PTPRD: variants seen among roughly 807,000 people sequenced by gnomAD.
PTPRD encodes protein tyrosine phosphatase receptor type D.
Under a neutral mutation model 214.5 loss-of-function variants are expected in PTPRD, and 34 were observed. The ratio of observed to expected loss-of-function variants is 0.16; its 90% CI spans 0.12 to 0.21. The LOEUF (loss-of-function observed/expected upper bound fraction) is 0.21, where lower values mean the gene tolerates loss of function less well. Among genes scored for constraint, PTPRD ranks in the 10% least tolerant of loss-of-function variants. The pLI, the probability that PTPRD is intolerant of heterozygous loss-of-function variation, is 1.00. For synonymous variants in PTPRD, 1,128 were observed against 845.7 expected, an observed-to-expected ratio of 1.33 and a Z score of -5.79; for missense variants, 2,545 against 2,398.7, an observed-to-expected ratio of 1.06 and a Z score of -1.27.
At chr9:8,345,407 G>A (rs10815826) in intron 39 of PTPRD, among the ~76,000 whole-genome samples, 73,473 of 151,890 alleles carry the variant, frequency 0.48, 20,770 homozygotes, top group Non-Finnish European at 0.64. Flanking sequence ...CCACCATTTA[G>A]GTCAGCAGTC....
chr9:8,775,743 G>A (rs1398190766), intron 11 of PTPRD, among the ~76,000 whole-genome samples: 1 of 151,996 alleles, frequency 6.6e-6, no homozygotes, highest in Non-Finnish European at 1.5e-5. Flanking sequence ...CAGCACTTTG[G>A]GAGGCCAAGG....
chr9:8,749,493 T>C (rs1370280989), intron 11 of PTPRD, among the ~76,000 whole-genome samples: 4 of 152,166 alleles, frequency 2.6e-5, no homozygotes, highest in African/African-American at 9.7e-5. Context: ...CAGGTGAAGT[T>C]TGGATTTTTT....
At chr9:9,927,416 C>T (rs953032587) in intron 5 of PTPRD, among the ~76,000 whole-genome samples, 21 of 152,232 alleles carry the variant, frequency 1.4e-4, no homozygotes, top group African/African-American at 4.6e-4. Flanking sequence ...GTACTATTCC[C>T]TACATCTGCA....
chr9:8,947,387 C>T (rs2099072139), intron 11 of PTPRD, among the ~76,000 whole-genome samples: 1 of 148,566 alleles, frequency 6.7e-6, no homozygotes, highest in African/African-American at 2.5e-5. Flanking sequence ...CTTCTGAACC[C>T]GGGAGGCAGA....
At chr9:9,827,126 T>G (rs988157935) in intron 5 of PTPRD, among the ~76,000 whole-genome samples, 1 of 152,056 alleles carries the variant, frequency 6.6e-6, no homozygotes, top group East Asian at 1.9e-4. Flanking sequence ...AAGCTACCAA[T>G]GACTTTCTTC....
intron 9 of PTPRD, among the ~76,000 whole-genome samples, chr9:9,293,531 T>C (rs1303143617): frequency 6.6e-6 from 1 of 151,562 alleles, no homozygotes; most frequent in Non-Finnish European, 1.5e-5. Flanking sequence ...TACTGACTAA[T>C]GCTATTAGAA....
intron 11 of PTPRD, among the ~76,000 whole-genome samples, chr9:8,827,696 T>C (rs2097204182): frequency 6.6e-6 from 1 of 152,180 alleles, no homozygotes; most frequent in African/African-American, 2.4e-5. Flanking sequence ...TCATTTATAT[T>C]TCAAAGCAGA....
At chr9:9,514,954 G>A (rs557987517) in intron 8 of PTPRD, among the ~76,000 whole-genome samples, 5 of 152,050 alleles carry the variant, frequency 3.3e-5, no homozygotes, top group Admixed American at 6.6e-5. Context: ...CTGATTTGAG[G>A]ACTTTTTTTA....
intron 3 of PTPRD, among the ~76,000 whole-genome samples, chr9:10,068,965 C>G (rs1728584222): frequency 6.6e-6 from 1 of 152,002 alleles, no homozygotes; most frequent in Non-Finnish European, 1.5e-5. Flanking sequence ...TCAGTTTATT[C>G]CCACCATATT....
At chr9:9,432,686 A>G (rs974520882) in intron 8 of PTPRD, among the ~76,000 whole-genome samples, 1 of 152,224 alleles carries the variant, frequency 6.6e-6, no homozygotes. Context: ...GATATTTAGG[A>G]TTTCACAATG....
At chr9:9,402,993 C>CAAA (rs1420192620) in intron 8 of PTPRD, among the ~76,000 whole-genome samples, 1 of 72,002 alleles carries the variant, frequency 1.4e-5, no homozygotes, top group African/African-American at 6.1e-5. Flanking sequence ...AAAAAAACAC[C>CAAA]AAAAAAAAAT....
intron 44 of PTPRD, among the ~76,000 whole-genome samples, chr9:8,330,561 C>T (rs1839252850): frequency 9.5e-6 from 1 of 105,018 alleles, no homozygotes; most frequent in Non-Finnish European, 1.6e-5. Flanking sequence ...TTTAATAACT[C>T]AATAGAAAGT....
At chr9:9,010,738 G>C (rs1184653634) in intron 11 of PTPRD, among the ~76,000 whole-genome samples, 1 of 152,012 alleles carries the variant, frequency 6.6e-6, no homozygotes, top group Admixed American at 6.6e-5. Flanking sequence ...TCTGTAAATA[G>C]TCAATTTATT....
At chr9:8,509,757 T>C (rs1456784275) in intron 21 of PTPRD, among the ~76,000 whole-genome samples, 1 of 152,224 alleles carries the variant, frequency 6.6e-6, no homozygotes, top group African/African-American at 2.4e-5. Flanking sequence ...TGTCTGATCA[T>C]CTAATTCTGC....
intron 13 of PTPRD, among the ~76,000 whole-genome samples, chr9:8,633,825 A>G (rs149910497): frequency 8.3e-4 from 127 of 152,188 alleles, no homozygotes; most frequent in African/African-American, 2.9e-3. Context: ...CTCTCACAGC[A>G]CATATACGAA....
chr9:9,569,381 T>A (rs2085629346), intron 8 of PTPRD, among the ~76,000 whole-genome samples: 2 of 151,898 alleles, frequency 1.3e-5, no homozygotes, highest in East Asian at 1.9e-4. Context: ...CACCAAAGAT[T>A]TGTATCATGT....
At chr9:9,612,233 C>G (rs1241653047) in intron 7 of PTPRD, among the ~76,000 whole-genome samples, 2 of 151,966 alleles carry the variant, frequency 1.3e-5, no homozygotes, top group Non-Finnish European at 2.9e-5. Flanking sequence ...AAAAACAGTA[C>G]TGAAGCTTCT....
rs1566260489 is a variant in PTPRD at position 8,811,456 on chromosome 9, T to C, written c.-103-77510A>G. Among the ~76,000 whole-genome samples, 19 of 152,312 alleles carry C rather than the reference T, an allele frequency of 1.2e-4. No individual in the cohort carries two copies. The South Asian group carries it at 3.7e-3, about 30-fold the overall frequency. On this transcript the variant is annotated intron_variant, in intron 11 of 45. Transcript: ENST00000381196. ...GTCCCTGGAAAAGGCCCATCAGTGT[T>C]TGTGGAACTGAATAAATGAATATAA...
intron 9 of PTPRD, among the ~76,000 whole-genome samples, chr9:9,278,063 T>C (rs564247929): frequency 2.0e-5 from 3 of 151,528 alleles, no homozygotes; most frequent in South Asian, 2.1e-4. Flanking sequence ...TGTGCTGCAA[T>C]ATATGCTATT....
Sources: allele counts gnomAD v4.1 joint callset (sites outside exome capture counted in the v4.1 genomes callset), GRCh38; gene constraint gnomAD v4.1.1; transcripts MANE v1.5; gene names NCBI Gene and HGNC (gene_info 2026-07-23, HGNC 2026-07-21).